Variants in DLG2 observed in about 807,000 individuals in gnomAD.
The protein encoded by DLG2 is disks large homolog 2.
In DLG2, 45 loss-of-function variants were observed where a neutral mutation model predicts 132.5. That is an observed-to-expected ratio of 0.34 (90% CI 0.27 to 0.44). The LOEUF is 0.44. Among genes scored for constraint, DLG2 ranks in the 20% least tolerant of loss-of-function variants. The probability of loss-of-function intolerance (pLI) is 1.00; values close to 1 mark genes in which losing one functional copy is unlikely to be tolerated. For missense variants in DLG2, 1,045 were observed against 1,196.9 expected (o/e 0.87, Z 1.87); for synonymous variants, 424 against 419.6 (o/e 1.01, Z -0.13).
chr11:84,500,362 A>G (rs2099200263), intron 7 of DLG2, among the ~76,000 whole-genome samples: 1 of 152,050 alleles, frequency 6.6e-6, no homozygotes, highest in Non-Finnish European at 1.5e-5. Context: ...AAAAAAAAAA[A>G]AAGCAAACAA....
chr11:84,109,107 T>TA (rs2093172899), intron 9 of DLG2, among the ~76,000 whole-genome samples: 1 of 151,956 alleles, frequency 6.6e-6, no homozygotes, highest in African/African-American at 2.4e-5. Flanking sequence ...AAAAAATACT[T>TA]ACATCGTCAA....
intron 3 of DLG2, among the ~76,000 whole-genome samples, chr11:85,504,584 G>C (rs912720173): frequency 6.6e-6 from 1 of 152,096 alleles, no homozygotes; most frequent in Non-Finnish European, 1.5e-5. Context: ...CTCTGTTTTG[G>C]TAACAGTACC....
intron 8 of DLG2, among the ~76,000 whole-genome samples, chr11:84,201,412 G>C (rs1259777034): frequency 6.6e-5 from 10 of 152,124 alleles, no homozygotes; most frequent in Admixed American, 5.9e-4. Context: ...TTTCTTTTTT[G>C]TTGTTGTATC....
chr11:83,489,456 A>G (rs2093715394), intron 21 of DLG2, among the ~76,000 whole-genome samples: 1 of 151,970 alleles, frequency 6.6e-6, no homozygotes, highest in Non-Finnish European at 1.5e-5. Context: ...CTTCATTTTG[A>G]TCTTGATTCA....
intron 19 of DLG2, among the ~76,000 whole-genome samples, chr11:83,579,663 A>T (rs1374406551): frequency 2.0e-5 from 3 of 152,124 alleles, no homozygotes; most frequent in Non-Finnish European, 4.4e-5. Flanking sequence ...TTGAAAAAAA[A>T]TAAATAAAAT....
intron 7 of DLG2, among the ~76,000 whole-genome samples, chr11:84,466,331 A>C (rs1448580547): frequency 6.6e-6 from 1 of 151,296 alleles, no homozygotes; most frequent in Non-Finnish European, 1.5e-5. Context: ...GCTCAATATT[A>C]AGGACATTTT....
At chr11:85,264,120 T>C (rs2077084125) in intron 4 of DLG2, among the ~76,000 whole-genome samples, 1 of 152,170 alleles carries the variant, frequency 6.6e-6, no homozygotes, top group South Asian at 2.1e-4. Flanking sequence ...CAGACAATTG[T>C]TCTCCCCCAC....
intron 7 of DLG2, among the ~76,000 whole-genome samples, chr11:84,367,503 T>C (rs976643413): frequency 2.6e-5 from 4 of 152,262 alleles, no homozygotes; most frequent in African/African-American, 9.6e-5. Context: ...TGAATATTTG[T>C]TTCATCTGAA....
At chr11:84,207,863 C>A (rs1238876752) in intron 8 of DLG2, among the ~76,000 whole-genome samples, 1 of 151,742 alleles carries the variant, frequency 6.6e-6, no homozygotes, top group Non-Finnish European at 1.5e-5. Flanking sequence ...GACAGAACTG[C>A]AAAACATGTT....
At chr11:84,843,261 G>T (rs1475958266) in intron 6 of DLG2, among the ~76,000 whole-genome samples, 1 of 150,638 alleles carries the variant, frequency 6.6e-6, no homozygotes, top group Admixed American at 6.6e-5. Context: ...GCCATTGTTT[G>T]TATATCAATT....
At chr11:83,787,159 T>C (rs1306966194) in intron 17 of DLG2, among the ~76,000 whole-genome samples, 1 of 151,886 alleles carries the variant, frequency 6.6e-6, no homozygotes, top group African/African-American at 2.4e-5. Flanking sequence ...ACACATGTAA[T>C]GTAAATAGAC....
intron 6 of DLG2, among the ~76,000 whole-genome samples, chr11:84,815,045 C>T (rs12287865): frequency 6.6e-6 from 1 of 152,012 alleles, no homozygotes; most frequent in African/African-American, 2.4e-5. Flanking sequence ...AGGGAACCAG[C>T]ACCAGAGGCA....
chr11:85,484,974 T>C (rs990415457), intron 3 of DLG2, among the ~76,000 whole-genome samples: 1 of 152,328 alleles, frequency 6.6e-6, no homozygotes, highest in African/African-American at 2.4e-5. Context: ...AATCATAGAC[T>C]GGATTAAGAA....
At chr11:85,584,307 C>T (rs76208287) in intron 3 of DLG2, among the ~76,000 whole-genome samples, 9,648 of 151,546 alleles carry the variant, frequency 0.064, 999 homozygotes, top group African/African-American at 0.22. Context: ...ATGCCATTAT[C>T]TCATTCCTTT....
intron 17 of DLG2, among the ~76,000 whole-genome samples, chr11:83,825,171 A>ATAT (rs1412625502): frequency 8.3e-5 from 6 of 72,612 alleles, no homozygotes; most frequent in Admixed American, 2.0e-4. Context: ...ATATATATAT[A>ATAT]TTTTTTTTTT....
At chr11:84,627,128 C>T (rs2099624207) in intron 6 of DLG2, among the ~76,000 whole-genome samples, 1 of 152,062 alleles carries the variant, frequency 6.6e-6, no homozygotes, top group Non-Finnish European at 1.5e-5. Context: ...GCCTCAGCCT[C>T]CTAAAGTGCT....
At chr11:83,829,191 A>G (rs982694337) in intron 17 of DLG2, among the ~76,000 whole-genome samples, 1 of 133,512 alleles carries the variant, frequency 7.5e-6, no homozygotes, top group Non-Finnish European at 1.6e-5. Flanking sequence ...ATTGAATTTT[A>G]TTTAGCTTTT....
chr11:85,240,469 T>G (rs538344475), intron 4 of DLG2, among the ~76,000 whole-genome samples: 1 of 151,940 alleles, frequency 6.6e-6, no homozygotes, highest in East Asian at 1.9e-4. Flanking sequence ...TAGCTCTTTT[T>G]ATATTTAAAA....
chr11:84,272,172 T>C (rs1427320717), intron 7 of DLG2: 2 of 292,976 alleles, frequency 6.8e-6, no homozygotes, highest in South Asian at 5.9e-5. Context: ...GTGGTTCAAT[T>C]AGAAGAGCTT....
Sources: allele counts gnomAD v4.1 joint callset (sites outside exome capture counted in the v4.1 genomes callset), GRCh38; gene constraint gnomAD v4.1.1; transcripts MANE v1.5; gene names NCBI Gene and HGNC (gene_info 2026-07-23, HGNC 2026-07-21).